Variants in CYP2C19 observed in about 807,000 individuals in gnomAD.
The protein encoded by CYP2C19 is cytochrome P450 family 2 subfamily C member 19, also known as cytochrome P450 2C19.
CYP2C19 carries 59 observed loss-of-function variants against 40.9 expected under a neutral mutation model. The observed-to-expected ratio is 1.44, with a 90% confidence interval of 1.17 to 1.79. The LOEUF is 1.79. Ranked by LOEUF, CYP2C19 falls within the 40% of genes most tolerant of loss-of-function variation. The pLI is 0.00. For missense variants in CYP2C19, 754 were observed against 596.9 expected, an observed-to-expected ratio of 1.26 and a Z score of -2.74; for synonymous variants, 253 against 208.7, an observed-to-expected ratio of 1.21 and a Z score of -1.83.
intron 7 of CYP2C19, among the ~76,000 whole-genome samples, chr10:94,845,806 A>G (rs1351757477): frequency 1.3e-5 from 2 of 152,078 alleles, no homozygotes; most frequent in East Asian, 1.9e-4. Flanking sequence ...AAAATTGTAG[A>G]CTATTTATAT....
chr10:94,773,253 T>G lies in CYP2C19; in HGVS notation c.169-1805T>G, dbSNP rs574117846. 7.8e-4 allele frequency among the ~76,000 whole-genome samples: 119 copies of G among 152,266 alleles called. 1 individual carries two copies. Among genetic ancestry groups the G allele is most frequent in the Non-Finnish European group, 1.4e-3 (93 of 68,030 alleles). ...TCCAGAATTGGTTCCTTCCGGTGGG[T>G]TCTTGGTCTCACTGACTTCAAGAAT... On this transcript the variant is annotated intron_variant, in intron 1 of 8. Coordinates refer to ENST00000371321, the MANE Select transcript of CYP2C19 (RefSeq NM_000769.4).
Position 94,855,307 on chromosome 10 carries a change from A to T in CYP2C19, c.*2393A>T, listed in dbSNP as rs1195176268. Among the ~76,000 whole-genome samples, 1 of 152,240 alleles carries T rather than the reference A, an allele frequency of 6.6e-6. No individual in the cohort carries two copies. Among genetic ancestry groups the T allele is most frequent in the African/African-American group, 2.4e-5 (1 of 41,458 alleles). On this transcript the variant is annotated 3_prime_UTR_variant, in exon 9 of 9. Coordinates refer to ENST00000371321, the MANE Select transcript of CYP2C19 (RefSeq NM_000769.4). ...CAATTGCACTGATGATCTGTTAAGC[A>T]TCTTGTTCAAGGTCACACAGCTTTT...
intron 5 of CYP2C19, among the ~76,000 whole-genome samples, chr10:94,791,046 C>T (rs1848599072): frequency 1.3e-5 from 2 of 152,018 alleles, no homozygotes; most frequent in South Asian, 2.1e-4. Context: ...AATTTCAGAG[C>T]CTGTTATTGG....
At position 94,852,932 on chromosome 10, in the gene CYP2C19, G is replaced by C; in HGVS notation, c.*18G>C. The C allele has an allele frequency of 6.2e-7, 1 of 1,613,488 alleles. No individual in the cohort carries two copies. Among genetic ancestry groups the C allele is most frequent in the Non-Finnish European group, 8.5e-7 (1 of 1,179,586 alleles). On this transcript the variant is annotated 3_prime_UTR_variant, in exon 9 of 9. Coordinates refer to ENST00000371321, the MANE Select transcript of CYP2C19 (RefSeq NM_000769.4). The stretch of plus-strand genomic sequence containing the variant: ...CTGTCTGAAGAAGCACAGATGGTCT[G>C]GCTGCTCCTGTGCTGTCCCTGCAGC...
intron 3 of CYP2C19, chr10:94,776,112 C>T (rs1220153452): frequency 6.5e-6 from 1 of 152,834 alleles, no homozygotes; most frequent in African/African-American, 2.4e-5. Flanking sequence ...TTCTCATCAG[C>T]TTTTATTTCT....
At position 94,822,007 on chromosome 10, in the gene CYP2C19, G is replaced by A. The variant is rs542485094; in HGVS notation, c.961+1370G>A. On this transcript the variant is annotated intron_variant, in intron 6 of 8. Transcript: ENST00000371321. ...ATCTTTAGGTTCATGTGTATTCAAT[G>A]TTTACTTCCCATTTATAAGTGAGAA... Among the ~76,000 whole-genome samples, 83 of 152,040 alleles carry A rather than the reference G, an allele frequency of 5.5e-4. 1 individual carries two copies. Among genetic ancestry groups the A allele is most frequent in the African/African-American group, 1.8e-3 (76 of 41,472 alleles).
At chr10:94,841,121 T>C (rs1365394085) in intron 6 of CYP2C19, among the ~76,000 whole-genome samples, 1 of 152,156 alleles carries the variant, frequency 6.6e-6, no homozygotes, top group African/African-American at 2.4e-5. Flanking sequence ...GACCTGGGGT[T>C]CTTGGCCTCA....
intron 5 of CYP2C19, among the ~76,000 whole-genome samples, chr10:94,799,998 CT>C (rs1278883518): frequency 6.6e-6 from 1 of 152,148 alleles, no homozygotes; most frequent in Non-Finnish European, 1.5e-5. Context: ...CTGAAGCCTA[CT>C]TCTGTCAACT....
At chr10:94,844,523 C>T (rs1283456707) in intron 7 of CYP2C19, among the ~76,000 whole-genome samples, 1 of 152,126 alleles carries the variant, frequency 6.6e-6, no homozygotes, top group Non-Finnish European at 1.5e-5. Flanking sequence ...CATCTCAAAC[C>T]TGCTCTTTTC....
intron 7 of CYP2C19, among the ~76,000 whole-genome samples, chr10:94,848,261 G>T (rs942406898): frequency 2.6e-5 from 4 of 152,178 alleles, no homozygotes; most frequent in Admixed American, 2.6e-4. Context: ...TGTATAAGGT[G>T]TAAAGAAGGG....
At chr10:94,779,760 A>G (rs1464227189) in intron 3 of CYP2C19, among the ~76,000 whole-genome samples, 2 of 151,690 alleles carry the variant, frequency 1.3e-5, no homozygotes, top group African/African-American at 4.8e-5. Context: ...GGGGTTCACC[A>G]TGTTGGCCAG....
chr10:94,781,055 C>T (rs1404629410), intron 4 of CYP2C19, among the ~76,000 whole-genome samples: 2 of 152,116 alleles, frequency 1.3e-5, no homozygotes, highest in Admixed American at 6.6e-5. Context: ...ACAGAAATAT[C>T]CTAATCTAAA....
At chr10:94,840,899 G>A (rs1332089605) in intron 6 of CYP2C19, among the ~76,000 whole-genome samples, 4 of 152,198 alleles carry the variant, frequency 2.6e-5, no homozygotes, top group East Asian at 1.9e-4. Context: ...TTAACTGGCC[G>A]ACAGGTGCCT....
chr10:94,816,001 T>G (rs1345694790), intron 5 of CYP2C19, among the ~76,000 whole-genome samples: 1 of 152,198 alleles, frequency 6.6e-6, no homozygotes, highest in Non-Finnish European at 1.5e-5. Flanking sequence ...AATAGTAACT[T>G]TAACAGAAAA....
At chr10:94,796,878 A>T (rs1382188963) in intron 5 of CYP2C19, among the ~76,000 whole-genome samples, 2 of 152,170 alleles carry the variant, frequency 1.3e-5, no homozygotes. Flanking sequence ...TTATCAGCTT[A>T]AGGAGATTTT....
intron 5 of CYP2C19, among the ~76,000 whole-genome samples, chr10:94,811,277 T>A (rs1848919161): frequency 6.6e-6 from 1 of 152,182 alleles, no homozygotes; most frequent in South Asian, 2.1e-4. Flanking sequence ...CTTTTGTATT[T>A]GCTGATGGGT....
At chr10:94,816,575 CTTTCT>C (rs1849006221) in intron 5 of CYP2C19, among the ~76,000 whole-genome samples, 1 of 150,632 alleles carries the variant, frequency 6.6e-6, no homozygotes, top group East Asian at 2.0e-4. Context: ...AATGTAGTCT[CTTTCT>C]TTTTTTTTTT....
rs776655506 is a variant in CYP2C19 at position 94,782,015 on chromosome 10, G to C, written c.819+18G>C. ...TGGAGAAGGTAAAATGTTAACAAAA[G>C]CTTAGTTATGTGACTGCTTGCGTAT... On this transcript the variant is annotated intron_variant, in intron 5 of 8. Coordinates refer to ENST00000371321, the MANE Select transcript of CYP2C19 (RefSeq NM_000769.4). 2 of 1,527,332 alleles carry C rather than the reference G, an allele frequency of 1.3e-6. No individual in the cohort carries two copies. Among genetic ancestry groups the C allele is most frequent in the African/African-American group, 1.4e-5 (1 of 69,766 alleles). The allele number at this position is 1,527,332 out of a possible 1,614,324, so 94.6% of individuals were successfully genotyped here.
At chr10:94,808,010 T>C (rs541091358) in intron 5 of CYP2C19, among the ~76,000 whole-genome samples, 204 of 152,294 alleles carry the variant, frequency 1.3e-3, no homozygotes, top group Admixed American at 1.7e-3. Flanking sequence ...GTTTCAGGTA[T>C]TAATCATTTC....
Sources: gnomAD v4.1 joint callset for allele counts (sites outside exome capture counted in the v4.1 genomes callset) on GRCh38, gnomAD v4.1.1 for gene constraint, MANE v1.5 for transcripts, NCBI Gene and HGNC (gene_info 2026-07-23, HGNC 2026-07-21) for gene names.